PAPPA2: variants seen among roughly 807,000 people sequenced by gnomAD.
PAPPA2 encodes pappalysin-2.
A neutral mutation model predicts 176.4 loss-of-function variants in PAPPA2; 86 were observed. The ratio of observed to expected loss-of-function variants is 0.49; its 90% confidence interval spans 0.41 to 0.58. The LOEUF is 0.58. Among genes scored for constraint, PAPPA2 ranks in the 20% least tolerant of loss-of-function variants. The pLI, the probability that PAPPA2 is intolerant of heterozygous loss-of-function variation, is 0.00. For missense variants in PAPPA2, 2,073 were observed against 2,256.9 expected (o/e 0.92, Z 1.65); for synonymous variants, 809 against 852.2 (o/e 0.95, Z 0.88).
At chr1:176,577,432 C>T (rs1652717024) in intron 2 of PAPPA2, among the ~76,000 whole-genome samples, 1 of 152,158 alleles carries the variant, frequency 6.6e-6, no homozygotes, top group African/African-American at 2.4e-5. Context: ...GAAAAATTTA[C>T]TGGAAAGGTG....
At chr1:176,640,145 T>G (rs987456559) in intron 3 of PAPPA2, among the ~76,000 whole-genome samples, 3 of 151,038 alleles carry the variant, frequency 2.0e-5, no homozygotes, top group African/African-American at 4.8e-5. Flanking sequence ...TTTTCAAAAG[T>G]ATAATAATGA....
At chr1:176,714,189 A>T (rs973788800) in intron 12 of PAPPA2, among the ~76,000 whole-genome samples, 2 of 152,124 alleles carry the variant, frequency 1.3e-5, no homozygotes, top group African/African-American at 4.8e-5. Flanking sequence ...GACTGAGTAG[A>T]TCCCCCACTT....
At chr1:176,606,078 C>T (rs941429437) in intron 3 of PAPPA2, among the ~76,000 whole-genome samples, 7 of 151,422 alleles carry the variant, frequency 4.6e-5, no homozygotes, top group Non-Finnish European at 1.0e-4. Context: ...TATATATACA[C>T]ACACACATAT....
At position 176,740,173 on chromosome 1, in the gene PAPPA2, G is replaced by T; in HGVS notation, c.4128G>T (p.Glu1376Asp). The change falls in exon 14 of 23, where the codon GAG becomes GAT. Residue 1376 changes from glutamate (E) to aspartate (D), a missense_variant. Transcript: ENST00000367662. ...SAPSNCISED[E>D]GQNHQGQSCI... ...CCAGTAACTGCATCTCAGAGGACGA[G>T]GGGCAGAATCATCAGGGACAGAGGT... 6.2e-7 allele frequency: 1 copy of T among 1,613,760 alleles called. No homozygotes were observed. Among genetic ancestry groups the T allele is most frequent in the Non-Finnish European group, 8.5e-7 (1 of 1,179,812 alleles).
intron 2 of PAPPA2, among the ~76,000 whole-genome samples, chr1:176,569,205 T>C (rs910796635): frequency 6.6e-6 from 1 of 152,178 alleles, no homozygotes; most frequent in Non-Finnish European, 1.5e-5. Flanking sequence ...TCTCACACCA[T>C]GCTCACATGC....
chr1:176,560,567 C>A (rs928872524), intron 2 of PAPPA2, among the ~76,000 whole-genome samples: 3 of 152,116 alleles, frequency 2.0e-5, no homozygotes, highest in Non-Finnish European at 4.4e-5. Flanking sequence ...TAGTCAGGGG[C>A]CTGGCAGCTC....
At chr1:176,739,600 T>G (rs1662574578) in intron 12 of PAPPA2, 26 bp from the exon 13 acceptor site, 1 of 1,602,624 alleles carries the variant, frequency 6.2e-7, no homozygotes, top group Non-Finnish European at 8.5e-7. Context: ...AAATAATGAC[T>G]TATACATAAA....
At chr1:176,674,246 C>T (rs1301486660) in intron 4 of PAPPA2, among the ~76,000 whole-genome samples, 2 of 151,994 alleles carry the variant, frequency 1.3e-5, no homozygotes, top group Admixed American at 1.3e-4. Context: ...AGCCTAAAAT[C>T]CAGCCTGAAA....
intron 3 of PAPPA2, among the ~76,000 whole-genome samples, chr1:176,660,641 T>G (rs1658311752): frequency 6.6e-6 from 1 of 152,070 alleles, no homozygotes; most frequent in African/African-American, 2.4e-5. Context: ...ACCCTCCTTA[T>G]AAAGATCTCA....
chr1:176,759,740 G>A (rs953891479), intron 14 of PAPPA2, among the ~76,000 whole-genome samples: 2 of 152,130 alleles, frequency 1.3e-5, no homozygotes, highest in Non-Finnish European at 2.9e-5. Flanking sequence ...TGCCTGGTTT[G>A]GCATTCTCTG....
chr1:176,626,161 A>C (rs1338127394), intron 3 of PAPPA2, among the ~76,000 whole-genome samples: 1 of 152,188 alleles, frequency 6.6e-6, no homozygotes, highest in African/African-American at 2.4e-5. Flanking sequence ...AGTGCCTCAG[A>C]AAGGCCTGTG....
intron 12 of PAPPA2, among the ~76,000 whole-genome samples, chr1:176,716,231 C>CT (rs371904164): frequency 0.21 from 28,319 of 133,262 alleles, 3,332 homozygotes; most frequent in African/African-American, 0.33. Flanking sequence ...TAACCTCTTT[C>CT]TTTTTTTTTT....
chr1:176,555,423 CAGA>C lies in PAPPA2; in HGVS notation c.-897_-895del, dbSNP rs1236886003. The stretch of plus-strand genomic sequence containing the variant: ...TCTTCCCAGGAACCCACAAGACTCC[CAGA>C]AGGTGAAGTTAAGAGCTCCCAGACT... On this transcript the variant is annotated 5_prime_UTR_variant, in exon 2 of 23. Transcript: ENST00000367662. The C allele has an allele frequency of 2.0e-5, 3 of 152,256 alleles. No individual in the cohort carries two copies. Among genetic ancestry groups the C allele is most frequent in the Admixed American group, 1.3e-4 (2 of 15,276 alleles). 9.4% of individuals were successfully genotyped at this position (152,256 alleles called of 1,614,324 possible).
intron 1 of PAPPA2, among the ~76,000 whole-genome samples, chr1:176,464,992 A>G (rs553451648): frequency 6.6e-6 from 1 of 152,310 alleles, no homozygotes; most frequent in South Asian, 2.1e-4. Flanking sequence ...TAAAAGTAGG[A>G]TTCTAATACA....
chr1:176,679,156 CTT>C (rs1353639409), intron 4 of PAPPA2, among the ~76,000 whole-genome samples: 1 of 152,132 alleles, frequency 6.6e-6, no homozygotes, highest in Non-Finnish European at 1.5e-5. Flanking sequence ...CTGACTGACT[CTT>C]TCAATCTTCT....
intron 1 of PAPPA2, among the ~76,000 whole-genome samples, chr1:176,494,107 C>G (rs916008308): frequency 6.6e-6 from 1 of 152,168 alleles, no homozygotes; most frequent in African/African-American, 2.4e-5. Context: ...TAGACTGAAA[C>G]TTAGACTGAA....
chr1:176,611,700 G>A (rs1654938561), intron 3 of PAPPA2, among the ~76,000 whole-genome samples: 1 of 152,100 alleles, frequency 6.6e-6, no homozygotes, highest in African/African-American at 2.4e-5. Context: ...GCATTCTTGG[G>A]GAGCTATTAG....
chr1:176,798,303 C>G (rs1417636123), intron 20 of PAPPA2, among the ~76,000 whole-genome samples: 1 of 152,142 alleles, frequency 6.6e-6, no homozygotes, highest in African/African-American at 2.4e-5. Flanking sequence ...ATTTTGAACT[C>G]TTTAAGGGCC....
At chr1:176,670,140 A>G (rs1284326935) in intron 3 of PAPPA2, among the ~76,000 whole-genome samples, 2 of 152,180 alleles carry the variant, frequency 1.3e-5, no homozygotes, top group Non-Finnish European at 2.9e-5. Flanking sequence ...TGCTTATGGT[A>G]AAGTTTTAAG....
Sources: gnomAD v4.1 joint callset for allele counts (sites outside exome capture counted in the v4.1 genomes callset) on GRCh38, gnomAD v4.1.1 for gene constraint, MANE v1.5 for transcripts, NCBI Gene and HGNC (gene_info 2026-07-23, HGNC 2026-07-21) for gene names.